Variants in NOP14 observed in about 807,000 individuals in gnomAD.
NOP14 encodes the protein nucleolar protein 14.
NOP14 carries 57 observed loss-of-function variants against 101.6 expected under a neutral mutation model. The observed-to-expected ratio is 0.56, with a 90% CI of 0.45 to 0.70. The LOEUF is 0.70. Ranked by LOEUF, NOP14 falls within the 30% of genes least tolerant of loss-of-function variation. The probability of loss-of-function intolerance (pLI) is 0.00; values close to 1 mark genes in which losing one functional copy is unlikely to be tolerated. For missense variants in NOP14, 1,134 were observed against 1,075.5 expected, an observed-to-expected ratio of 1.05 and a Z score of -0.76; for synonymous variants, 428 against 424.0, an observed-to-expected ratio of 1.01 and a Z score of -0.12.
At chr4:2,961,883 GC>G (rs1400990296) in intron 1 of NOP14, 2 of 152,232 alleles carry the variant, frequency 1.3e-5, no homozygotes, top group Non-Finnish European at 2.9e-5. Context: ...CCCGTCCCAG[GC>G]CTTCAGCACA....
In NOP14 at chr4:2,939,059, C is replaced by A. The variant is rs569257781; in HGVS notation, c.2474+129G>T. On this transcript the variant is annotated intron_variant, in intron 17 of 17. Coordinates refer to ENST00000416614, the MANE Select transcript of NOP14 (RefSeq NM_001291978.2). ...TCAGTTCAAACAGGGGGAAGTGAAC[C>A]TGCCTGGCTCCAACCCCCAGCCAGA... 1.1e-4 allele frequency: 160 copies of A among 1,502,352 alleles called. 2 individuals carry two copies. In the Admixed American group the frequency reaches 2.7e-3, roughly 25 times the overall value. The allele number at this position is 1,502,352 out of a possible 1,614,324, so 93.1% of individuals were successfully genotyped here. A position where few individuals can be genotyped will look rare whatever the true frequency, so the allele number is the denominator to read the frequency against.
At chr4:2,938,963 G>C in intron 17 of NOP14, 33 bp from the exon 18 acceptor site, 4 of 1,591,936 alleles carry the variant, frequency 2.5e-6, no homozygotes, top group Non-Finnish European at 3.4e-6. Context: ...GCCCATTTTT[G>C]GATTAGTTCT....
At chr4:2,959,523 G>A (rs993327783) in intron 1 of NOP14, among the ~76,000 whole-genome samples, 7 of 152,152 alleles carry the variant, frequency 4.6e-5, no homozygotes, top group African/African-American at 1.7e-4. Context: ...AACCCGGGAA[G>A]TGGAGCTTGC....
chr4:2,956,500 A>AG (rs1220124308), intron 3 of NOP14, among the ~76,000 whole-genome samples, 170 bp downstream of exon 3: 5 of 152,334 alleles, frequency 3.3e-5, no homozygotes, highest in African/African-American at 1.2e-4. Context: ...TAAAAAAAAA[A>AG]CAAAAATACA....
intron 1 of NOP14, among the ~76,000 whole-genome samples, chr4:2,959,971 C>CTA (rs1715616625): frequency 6.9e-6 from 1 of 145,620 alleles, no homozygotes; most frequent in Non-Finnish European, 1.5e-5. Flanking sequence ...ACACTGAGAC[C>CTA]TTTTTTTTTT....
chr4:2,941,777 C>T, intron 14 of NOP14, 48 bp from the exon 15 acceptor site: 1 of 1,579,834 alleles, frequency 6.3e-7, no homozygotes, highest in Non-Finnish European at 8.6e-7. Context: ...CTGTTTGTCA[C>T]TGACAAAACC....
chr4:2,955,094 C>T (rs1427300249), intron 3 of NOP14, among the ~76,000 whole-genome samples: 38 of 142,896 alleles, frequency 2.7e-4, no homozygotes, highest in African/African-American at 8.4e-4. Context: ...ACCTGCGCCA[C>T]GGCGCCCCCT....
At chr4:2,941,189 C>T in intron 15 of NOP14, 1 of 194,542 alleles carries the variant, frequency 5.1e-6, no homozygotes, top group Non-Finnish European at 1.1e-5. Flanking sequence ...TGAGACTGTC[C>T]CTTGGGGCTT....
rs934034566 is a variant in NOP14, at chr4:2,950,142, G to A, written c.1074C>T (p.Asn358=). 5.9e-5 allele frequency: 96 copies of A among 1,613,932 alleles called. No individual in the cohort carries two copies. The highest frequency in any genetic ancestry group is 7.3e-5 in the Non-Finnish European group (86 of 1,180,018). Residue 358 remains asparagine (N), a synonymous_variant, in exon 8 of 18, where the codon AAC becomes AAT. Coordinates refer to ENST00000416614, the MANE Select transcript of NOP14 (RefSeq NM_001291978.2). ...CGCCTGAACTGTCACCTTCTTCCTC[G>A]TTGCTCTCAGGGTCACTGGCTTCCT... ...QSKEASDPES[N]EEEGDSSGGE...
chr4:2,953,278 C>T (rs1483482750), intron 5 of NOP14, among the ~76,000 whole-genome samples: 1 of 152,194 alleles, frequency 6.6e-6, no homozygotes, highest in Non-Finnish European at 1.5e-5. Flanking sequence ...GTACTTCTTC[C>T]ATCCAGAAAC....
chr4:2,959,340 T>A (rs183569196), intron 1 of NOP14, among the ~76,000 whole-genome samples: 10 of 152,130 alleles, frequency 6.6e-5, no homozygotes, highest in Non-Finnish European at 1.3e-4. Flanking sequence ...CGCCTGTAAT[T>A]CCAGCACTCT....
At position 2,963,115 on chromosome 4, in the gene NOP14, C is replaced by A; in HGVS notation, c.195+10G>T. The A allele has an allele frequency of 6.5e-7, 1 of 1,534,116 alleles. No homozygotes were observed. Among genetic ancestry groups the A allele is most frequent in the Non-Finnish European group, 8.7e-7 (1 of 1,143,458 alleles). ...CCTGCCTTCCGGCTCCCCGTGCGCC[C>A]CCCGCTTACCTTCCTGAGGGCCCGT... On this transcript the variant is annotated intron_variant, in intron 1 of 17. Coordinates refer to ENST00000416614, the MANE Select transcript of NOP14 (RefSeq NM_001291978.2).
Position 2,957,722 on chromosome 4 carries a change from T to G in NOP14, c.214A>C (p.Lys72Gln), listed in dbSNP as rs1715448218. 14 of 1,614,104 alleles carry G rather than the reference T, an allele frequency of 8.7e-6. No homozygotes were observed. Among genetic ancestry groups the G allele is most frequent in the African/African-American group, 1.3e-5 (1 of 75,058 alleles). ...ALRKRTQTLLKEYKERDKSNV... is the reference protein window; with the variant it reads ...ALRKRTQTLLQEYKERDKSNV... Reference sequence around the variant, plus strand: ...GATTTATCCCTTTCTTTGTACTCTTTTAGTAAAGTCTGTGTACGCTGGAAA... The same window carrying G: ...GATTTATCCCTTTCTTTGTACTCTTGTAGTAAAGTCTGTGTACGCTGGAAA... The change falls in exon 2 of 18, where the codon AAA (lysine) becomes CAA (glutamine). Residue 72 changes from lysine to glutamine, a missense_variant. Physicochemically the swap from Lys to Gln is moderately conservative, Grantham distance 53 (BLOSUM62 1). Transcript: ENST00000416614.
At chr4:2,959,903 C>G (rs909002604) in intron 1 of NOP14, among the ~76,000 whole-genome samples, 6 of 152,098 alleles carry the variant, frequency 3.9e-5, no homozygotes, top group African/African-American at 1.4e-4. Context: ...GAGCACATTA[C>G]ATGTGCTAGC....
intron 1 of NOP14, among the ~76,000 whole-genome samples, chr4:2,962,245 G>A (rs187487703): frequency 2.0e-5 from 3 of 152,324 alleles, no homozygotes; most frequent in South Asian, 2.1e-4. Flanking sequence ...AGACAAATGT[G>A]TCTCTTCTAG....
chr4:2,949,879 T>C, intron 8 of NOP14, 55 bp downstream of exon 8: 6 of 1,602,222 alleles, frequency 3.7e-6, no homozygotes, highest in Non-Finnish European at 5.1e-6. Context: ...CACACAGCTA[T>C]GGCCAGGTCA....
chr4:2,955,894 A>C (rs1300157985), intron 3 of NOP14, among the ~76,000 whole-genome samples: 1 of 152,226 alleles, frequency 6.6e-6, no homozygotes, highest in Admixed American at 6.5e-5. Context: ...GGATTAGCCA[A>C]ATATCAGAAG....
chr4:2,960,794 ATATTAATATATTAATATTATAATCACAT>A (rs1715732551), intron 1 of NOP14, among the ~76,000 whole-genome samples: 3 of 85,886 alleles, frequency 3.5e-5, no homozygotes, highest in East Asian at 2.4e-4. Context: ...AATCACATTA[ATATTAATATATTAATATTATAATCACAT>A]TATCAATATA....
intron 3 of NOP14, among the ~76,000 whole-genome samples, chr4:2,956,235 A>G (rs1454114171): frequency 1.3e-5 from 2 of 152,212 alleles, no homozygotes; most frequent in Admixed American, 6.5e-5. Flanking sequence ...AACTACATCA[A>G]TGCCACTGGT....
Sources: allele counts gnomAD v4.1 joint callset (sites outside exome capture counted in the v4.1 genomes callset), GRCh38; gene constraint gnomAD v4.1.1; transcripts MANE v1.5; gene names NCBI Gene and HGNC (gene_info 2026-07-23, HGNC 2026-07-21).